Variants in SORCS3 observed in about 807,000 individuals in gnomAD.
SORCS3 encodes the protein VPS10 domain-containing receptor SorCS3.
In SORCS3, 57 loss-of-function variants were observed where a neutral mutation model predicts 146.3. The observed-to-expected ratio is 0.39, with a 90% CI of 0.31 to 0.49. The LOEUF (loss-of-function observed/expected upper bound fraction) is 0.49, where lower values mean the gene tolerates loss of function less well. Ranked by LOEUF, SORCS3 falls within the 20% of genes least tolerant of loss-of-function variation. The pLI, the probability that SORCS3 is intolerant of heterozygous loss-of-function variation, is 0.92. For synonymous variants in SORCS3, 653 were observed against 618.5 expected (o/e 1.06, Z -0.83); for missense variants, 1,341 against 1,575.5 (o/e 0.85, Z 2.52).
intron 1 of SORCS3, among the ~76,000 whole-genome samples, chr10:104,657,003 C>T (rs978223834): frequency 4.6e-5 from 7 of 152,226 alleles, no homozygotes; most frequent in African/African-American, 1.7e-4. Context: ...TCTTCCCCAT[C>T]TTCTAACTTT....
rs75727080 is a variant in SORCS3 at position 104,825,355 on chromosome 10, C to G, written c.628-17437C>G. 5.9e-3 allele frequency among the ~76,000 whole-genome samples: 898 copies of G among 152,276 alleles called. 3 individuals carry two copies. The highest frequency in any genetic ancestry group is 0.027 in the Middle Eastern group (8 of 294). On this transcript the variant is annotated intron_variant, in intron 1 of 26. Coordinates refer to ENST00000369701, the MANE Select transcript of SORCS3 (RefSeq NM_014978.3). ...AGGCTCAATAGGGTAAGCCCCTTTCCTAAGGTCACACAAAATAAGTGGCAG... is the reference window on the plus strand; with the variant it reads ...AGGCTCAATAGGGTAAGCCCCTTTCGTAAGGTCACACAAAATAAGTGGCAG...
At chr10:104,766,024 T>C (rs2017175874) in intron 1 of SORCS3, among the ~76,000 whole-genome samples, 2 of 152,262 alleles carry the variant, frequency 1.3e-5, no homozygotes, top group South Asian at 4.1e-4. Context: ...GGATTTGCTT[T>C]GTTTCTTGGG....
chr10:105,165,774 G>A (rs918249195), intron 12 of SORCS3, among the ~76,000 whole-genome samples: 1 of 152,154 alleles, frequency 6.6e-6, no homozygotes, highest in Non-Finnish European at 1.5e-5. Flanking sequence ...TCAAGAAGTA[G>A]CTCACTTGAC....
At chr10:105,152,701 G>A (rs756859241) in intron 9 of SORCS3, among the ~76,000 whole-genome samples, 32 of 152,116 alleles carry the variant, frequency 2.1e-4, no homozygotes, top group Non-Finnish European at 2.6e-4. Context: ...CTTCGTTCCC[G>A]TAGCCACATT....
chr10:105,152,243 C>T (rs2056172992), intron 9 of SORCS3, among the ~76,000 whole-genome samples: 1 of 152,134 alleles, frequency 6.6e-6, no homozygotes, highest in East Asian at 1.9e-4. Context: ...TGCTTTAGAC[C>T]AGCACTGTCA....
At chr10:105,215,918 G>A (rs2119652642) in intron 18 of SORCS3, among the ~76,000 whole-genome samples, 1 of 134,322 alleles carries the variant, frequency 7.4e-6, no homozygotes, top group Non-Finnish European at 1.5e-5. Flanking sequence ...TCTTCATATA[G>A]GATCTTTGTT....
intron 1 of SORCS3, among the ~76,000 whole-genome samples, chr10:104,731,121 T>C (rs1334429810): frequency 1.3e-5 from 2 of 152,228 alleles, no homozygotes; most frequent in Non-Finnish European, 2.9e-5. Flanking sequence ...AGAATCTGTC[T>C]GGTTGTCTGG....
intron 4 of SORCS3, among the ~76,000 whole-genome samples, chr10:104,983,127 G>A (rs1232946110): frequency 6.6e-6 from 1 of 152,106 alleles, no homozygotes; most frequent in African/African-American, 2.4e-5. Context: ...AGCCTCCTGA[G>A]TAGCTGGGAT....
At chr10:104,733,042 A>T (rs957815500) in intron 1 of SORCS3, among the ~76,000 whole-genome samples, 1 of 152,174 alleles carries the variant, frequency 6.6e-6, no homozygotes, top group Admixed American at 6.5e-5. Flanking sequence ...TAAATCAGTG[A>T]TAGATTTGAT....
At chr10:104,643,850 C>T (rs74938365) in intron 1 of SORCS3, among the ~76,000 whole-genome samples, 2,529 of 151,988 alleles carry the variant, frequency 0.017, 72 homozygotes, top group African/African-American at 0.057. Flanking sequence ...TGTGGCTTCC[C>T]TACTGCCACA....
intron 1 of SORCS3, among the ~76,000 whole-genome samples, chr10:104,673,140 A>G (rs184304573): frequency 6.6e-6 from 1 of 152,072 alleles, no homozygotes; most frequent in Admixed American, 6.5e-5. Flanking sequence ...GTGTGTTTGC[A>G]TGTTTGGATC....
At chr10:105,134,638 A>G (rs11192334) in intron 7 of SORCS3, among the ~76,000 whole-genome samples, 13,061 of 151,990 alleles carry the variant, frequency 0.086, 694 homozygotes, top group Admixed American at 0.16. Flanking sequence ...AGAAGCCCTC[A>G]TGGCCTAATC....
intron 3 of SORCS3, among the ~76,000 whole-genome samples, chr10:104,962,495 A>G (rs931637946): frequency 1.3e-5 from 2 of 152,090 alleles, no homozygotes; most frequent in African/African-American, 4.8e-5. Flanking sequence ...TTCTTACTCC[A>G]TAGGGGAGGT....
At chr10:104,670,344 C>T (rs1481396568) in intron 1 of SORCS3, among the ~76,000 whole-genome samples, 1 of 152,110 alleles carries the variant, frequency 6.6e-6, no homozygotes, top group African/African-American at 2.4e-5. Context: ...TTAGGTCTTA[C>T]ATTTAGGTCT....
chr10:105,256,808 T>G lies in SORCS3; in HGVS notation c.3338-11T>G. 1 of 1,609,386 alleles carries G rather than the reference T, an allele frequency of 6.2e-7. No homozygotes were observed. On this transcript the variant is annotated splice_polypyrimidine_tract_variant and intron_variant, in intron 24 of 26. Transcript: ENST00000369701. ...TATCTGTTCTTTTCCTTATCTGTTC[T>G]TCTTTCCAAGCTCCATTGGTGGACT...
Position 105,264,547 on chromosome 10 carries a change from T to C in SORCS3, c.*1173T>C, listed in dbSNP as rs2056980614. The C allele has an allele frequency of 6.6e-6, 1 of 152,556 alleles. No individual in the cohort carries two copies. Among genetic ancestry groups the C allele is most frequent in the Admixed American group, 6.5e-5 (1 of 15,280 alleles). The allele number at this position is 152,556 out of a possible 1,614,324, so 9.5% of individuals were successfully genotyped here. On this transcript the variant is annotated 3_prime_UTR_variant, in exon 27 of 27. Transcript: ENST00000369701. ...GAGGTTGGAAGGGAAGAGGCATTTG[T>C]GGAATTATGAGTTCATGCAAAACTC... is the stretch of plus-strand genomic sequence containing the variant.
chr10:105,069,646 C>T (rs1190386233), intron 5 of SORCS3, among the ~76,000 whole-genome samples: 1 of 152,202 alleles, frequency 6.6e-6, no homozygotes. Flanking sequence ...CTTTCTGAAG[C>T]ATCTAATACT....
chr10:104,769,187 T>C (rs2017218009), intron 1 of SORCS3, among the ~76,000 whole-genome samples: 1 of 152,168 alleles, frequency 6.6e-6, no homozygotes, highest in African/African-American at 2.4e-5. Context: ...CTCTTCACAA[T>C]TGCACAGGGA....
chr10:105,013,650 A>G (rs181648153), intron 4 of SORCS3, among the ~76,000 whole-genome samples: 4 of 152,312 alleles, frequency 2.6e-5, no homozygotes, highest in Admixed American at 1.3e-4. Context: ...TATTGAAAAA[A>G]TCTTAAAACT....
Sources: allele counts gnomAD v4.1 joint callset (sites outside exome capture counted in the v4.1 genomes callset), GRCh38; gene constraint gnomAD v4.1.1; transcripts MANE v1.5; gene names NCBI Gene and HGNC (gene_info 2026-07-23, HGNC 2026-07-21).